The following IGF2BP2 variants were observed in gnomAD, a reference collection of about 807,000 sequenced individuals.
The protein encoded by IGF2BP2 is insulin-like growth factor 2 mRNA-binding protein 2.
In IGF2BP2, 17 loss-of-function variants were observed where a neutral mutation model predicts 75.8. The observed-to-expected ratio is 0.22, with a 90% CI of 0.15 to 0.34. IGF2BP2 has a LOEUF of 0.34. Ranked by LOEUF, IGF2BP2 falls within the 10% of genes least tolerant of loss-of-function variation. IGF2BP2 has a pLI of 1.00. For synonymous variants in IGF2BP2, 288 were observed against 295.6 expected (o/e 0.97, Z 0.26); for missense variants, 516 against 772.4 (o/e 0.67, Z 3.93).
intron 2 of IGF2BP2, among the ~76,000 whole-genome samples, chr3:185,710,154 T>A: frequency 7.5e-6 from 1 of 133,758 alleles, no homozygotes; most frequent in South Asian, 3.5e-4. Flanking sequence ...AGTTTTAGAT[T>A]TTTTTTTTTT....
At chr3:185,691,394 G>A (rs1273849258) in intron 5 of IGF2BP2, among the ~76,000 whole-genome samples, 1 of 152,126 alleles carries the variant, frequency 6.6e-6, no homozygotes, top group Non-Finnish European at 1.5e-5. Flanking sequence ...CACCACGCCT[G>A]GCCTGAACCA....
intron 2 of IGF2BP2, among the ~76,000 whole-genome samples, chr3:185,732,297 G>T (rs980392411): frequency 6.6e-6 from 1 of 152,164 alleles, no homozygotes; most frequent in Non-Finnish European, 1.5e-5. Flanking sequence ...ACTCAGAAAA[G>T]ATCTGTTGGA....
At chr3:185,749,159 G>T (rs1025312893) in intron 2 of IGF2BP2, among the ~76,000 whole-genome samples, 1 of 151,834 alleles carries the variant, frequency 6.6e-6, no homozygotes, top group Admixed American at 6.6e-5. Context: ...GCGAGACTCC[G>T]TCTAAAAGAA....
intron 2 of IGF2BP2, among the ~76,000 whole-genome samples, chr3:185,822,734 G>C (rs1385008848): frequency 6.6e-6 from 1 of 151,448 alleles, no homozygotes; most frequent in African/African-American, 2.4e-5. Flanking sequence ...AAAGAGAAAA[G>C]TAATTAATCG....
At chr3:185,724,167 G>A (rs1426727379) in intron 2 of IGF2BP2, among the ~76,000 whole-genome samples, 1 of 152,190 alleles carries the variant, frequency 6.6e-6, no homozygotes, top group Non-Finnish European at 1.5e-5. Flanking sequence ...CAGCACGTGA[G>A]CAAAATTGCC....
intron 10 of IGF2BP2, among the ~76,000 whole-genome samples, chr3:185,663,131 T>C (rs1201717540): frequency 6.6e-6 from 1 of 152,236 alleles, no homozygotes; most frequent in African/African-American, 2.4e-5. Context: ...ATCTGACATC[T>C]GGTTCAAGTC....
chr3:185,676,756 G>GAT (rs3078305), intron 7 of IGF2BP2, among the ~76,000 whole-genome samples: 60 of 128,240 alleles, frequency 4.7e-4, no homozygotes, highest in East Asian at 2.1e-3. Flanking sequence ...ATTTACTGGA[G>GAT]ATATATATAT....
chr3:185,722,445 G>A (rs1726713289), intron 2 of IGF2BP2: 6 of 334,784 alleles, frequency 1.8e-5, no homozygotes, highest in South Asian at 1.3e-4. Flanking sequence ...ACTGGGAGAT[G>A]AACTTTTATG....
chr3:185,771,319 T>A (rs1162386837), intron 2 of IGF2BP2, among the ~76,000 whole-genome samples: 4 of 150,996 alleles, frequency 2.6e-5, no homozygotes, highest in Non-Finnish European at 1.5e-5. Flanking sequence ...TGCACGCCTA[T>A]AATCCCAGCT....
Position 185,715,631 on chromosome 3 carries a change from CTTTT to C in IGF2BP2, c.240-17288_240-17285del, listed in dbSNP as rs560559281. Among the ~76,000 whole-genome samples the C allele has an allele frequency of 2.6e-5, 4 of 151,948 alleles. No homozygotes were observed. The South Asian group carries it at 8.3e-4, about 32-fold the overall frequency. On this transcript the variant is annotated intron_variant, in intron 2 of 15. Transcript: ENST00000382199. Reference sequence around the variant, plus strand: ...ACAGTCTTCTGATGATACGTCATTTCTTTTTTTCTTTCTTTCTTTCTTTTTTTTT... The same window carrying C: ...ACAGTCTTCTGATGATACGTCATTTCTTTCTTTCTTTCTTTCTTTTTTTTT...
At chr3:185,670,631 C>T (rs1215386173) in intron 10 of IGF2BP2, among the ~76,000 whole-genome samples, 1 of 152,230 alleles carries the variant, frequency 6.6e-6, no homozygotes, top group East Asian at 1.9e-4. Flanking sequence ...TGCAGTGCCA[C>T]GATCTCAGCT....
chr3:185,804,250 C>T (rs1217967506), intron 2 of IGF2BP2, among the ~76,000 whole-genome samples: 2 of 117,444 alleles, frequency 1.7e-5, no homozygotes, highest in Admixed American at 9.5e-5. Context: ...AGCAAGACTA[C>T]GTCTCAAAAA....
chr3:185,685,620 C>T (rs1367432899), intron 7 of IGF2BP2, among the ~76,000 whole-genome samples: 3 of 152,100 alleles, frequency 2.0e-5, no homozygotes, highest in Admixed American at 6.6e-5. Context: ...CCACCGCTAC[C>T]CACAAACAGA....
In IGF2BP2 at chr3:185,692,763, C is replaced by T; in HGVS notation, c.341-1G>A. On this transcript the variant is annotated splice_acceptor_variant, in intron 4 of 15. Coordinates refer to ENST00000382199, the MANE Select transcript of IGF2BP2 (RefSeq NM_006548.6). LOFTEE classifies it high-confidence loss of function. ...ACGGCGGTTTCTGTGTCTGTGTTGA[C>T]TAGGGAAAAGGCAAAAACTACACTG... is the stretch of plus-strand genomic sequence containing the variant. The T allele has an allele frequency of 6.2e-7, 1 of 1,613,846 alleles. No homozygotes were observed. The highest frequency in any genetic ancestry group is 1.6e-4 in the Middle Eastern group (1 of 6,062).
intron 2 of IGF2BP2, among the ~76,000 whole-genome samples, chr3:185,712,119 A>G (rs1410342038): frequency 6.6e-6 from 1 of 152,194 alleles, no homozygotes; most frequent in Non-Finnish European, 1.5e-5. Flanking sequence ...CTGTAGATTC[A>G]GCTAAAGACC....
intron 2 of IGF2BP2, among the ~76,000 whole-genome samples, chr3:185,751,357 C>T (rs1730938256): frequency 6.6e-6 from 1 of 152,072 alleles, no homozygotes; most frequent in South Asian, 2.1e-4. Context: ...GCAGGCAGAT[C>T]ACCTGAGGTC....
At chr3:185,690,299 A>G (rs1721773641) in intron 5 of IGF2BP2, among the ~76,000 whole-genome samples, 1 of 152,226 alleles carries the variant, frequency 6.6e-6, no homozygotes, top group Non-Finnish European at 1.5e-5. Context: ...AAATTCAGAA[A>G]TATGTAAGTG....
At chr3:185,693,072 T>C in intron 4 of IGF2BP2, 1 of 226,736 alleles carries the variant, frequency 4.4e-6, no homozygotes, top group African/African-American at 2.3e-5. Flanking sequence ...CTATATAAAA[T>C]TGCAGTGAGT....
In IGF2BP2 at chr3:185,647,200, A is replaced by C; in HGVS notation, c.1594-62T>G. On this transcript the variant is annotated intron_variant, in intron 14 of 15. Coordinates refer to ENST00000382199, the MANE Select transcript of IGF2BP2 (RefSeq NM_006548.6). This position sits in a 1 kb window ranked among gnomAD's most constrained non-coding sequence, Gnocchi z 4.9. The stretch of plus-strand genomic sequence containing the variant: ...CCCTCCCCGTCAACGTGGTGGGCTC[A>C]GGACGGAGTGAGGGGCCAAGAGGTG... 2 of 1,195,406 alleles carry C rather than the reference A, an allele frequency of 1.7e-6. No homozygotes were observed. Among genetic ancestry groups the C allele is most frequent in the South Asian group, 1.2e-5 (1 of 82,684 alleles). 74.0% of individuals were successfully genotyped at this position (1,195,406 alleles called of 1,614,324 possible).
Sources: allele counts gnomAD v4.1 joint callset (sites outside exome capture counted in the v4.1 genomes callset), GRCh38; gene constraint gnomAD v4.1.1; non-coding constraint Gnocchi (gnomAD v3.1); transcripts MANE v1.5; gene names NCBI Gene and HGNC (gene_info 2026-07-23, HGNC 2026-07-21).